GNB1: variants seen among roughly 807,000 people sequenced by gnomAD.
GNB1 encodes the protein G protein subunit beta 1.
In GNB1, 2 loss-of-function variants were observed where a neutral mutation model predicts 42.9. The observed-to-expected ratio is 0.05, with a 90% CI of 0.02 to 0.15. The LOEUF is 0.15. Ranked by LOEUF, GNB1 falls within the 10% of genes least tolerant of loss-of-function variation. The pLI is 1.00. For missense variants in GNB1, 193 were observed against 462.2 expected, an observed-to-expected ratio of 0.42 and a Z score of 5.34; for synonymous variants, 183 against 174.7, an observed-to-expected ratio of 1.05 and a Z score of -0.38.
chr1:1,863,671 G>C (rs147332586), intron 1 of GNB1, among the ~76,000 whole-genome samples: 218 of 152,310 alleles, frequency 1.4e-3, no homozygotes, highest in Non-Finnish European at 2.8e-3. Context: ...CTCATTTTGA[G>C]ATCTTCTCCT....
chr1:1,845,872 CGT>C (rs1307264340), intron 1 of GNB1, among the ~76,000 whole-genome samples: 1 of 138,138 alleles, frequency 7.2e-6, no homozygotes, highest in Admixed American at 7.3e-5. Context: ...CACACACACA[CGT>C]ATATCTCCTA....
intron 1 of GNB1, among the ~76,000 whole-genome samples, chr1:1,855,019 C>T (rs1417554311): frequency 1.3e-5 from 2 of 152,046 alleles, no homozygotes; most frequent in African/African-American, 2.4e-5. Flanking sequence ...ATTAGCCAGG[C>T]GCAGTGGCAG....
chr1:1,828,361 G>A (rs1307075331), intron 2 of GNB1, among the ~76,000 whole-genome samples: 1 of 152,028 alleles, frequency 6.6e-6, no homozygotes, highest in East Asian at 1.9e-4. Flanking sequence ...GAGGGTGGTG[G>A]GTGGGTGTGT....
chr1:1,845,572 CA>C (rs919629027), intron 1 of GNB1, among the ~76,000 whole-genome samples: 4 of 150,278 alleles, frequency 2.7e-5, no homozygotes, highest in African/African-American at 7.3e-5. Flanking sequence ...GACTCCGTCT[CA>C]AAAAAAATAA....
At chr1:1,848,687 C>T (rs193218242) in intron 1 of GNB1, among the ~76,000 whole-genome samples, 6 of 152,256 alleles carry the variant, frequency 3.9e-5, no homozygotes, top group Admixed American at 3.3e-4. Context: ...TGACTGCTAT[C>T]GGTAAGGCTT....
chr1:1,835,545 C>T (rs1428532376), intron 2 of GNB1, among the ~76,000 whole-genome samples: 1 of 152,224 alleles, frequency 6.6e-6, no homozygotes, highest in East Asian at 1.9e-4. Context: ...CCTGCCTCAC[C>T]TGCCACACTT....
At chr1:1,816,746 C>T (rs1421600799) in intron 4 of GNB1, among the ~76,000 whole-genome samples, 2 of 150,022 alleles carry the variant, frequency 1.3e-5, no homozygotes, top group Non-Finnish European at 1.5e-5. Context: ...CCTCCCGGGT[C>T]CAAGCAATTC....
At chr1:1,797,156 T>C (rs996404317) in intron 7 of GNB1, among the ~76,000 whole-genome samples, 1 of 152,152 alleles carries the variant, frequency 6.6e-6, no homozygotes, top group Non-Finnish European at 1.5e-5. Flanking sequence ...AACGGGACGA[T>C]GGGCTTGAGA....
chr1:1,825,459 G>C lies in GNB1; in HGVS notation c.-6C>G. 6.2e-7 allele frequency: 1 copy of C among 1,606,372 alleles called. No individual in the cohort carries two copies. On this transcript the variant is annotated 5_prime_UTR_variant, in exon 3 of 12. The change creates a new upstream start codon in the 5' untranslated region. Coordinates refer to ENST00000378609, the MANE Select transcript of GNB1 (RefSeq NM_002074.5). ...AACTGGTCAAGCTCACTCATCTTCC[G>C]ATCTTAGTGCTCTTCAATGCCACCT... is the stretch of plus-strand genomic sequence containing the variant.
intron 1 of GNB1, among the ~76,000 whole-genome samples, chr1:1,845,731 A>T (rs1457804200): frequency 6.6e-6 from 1 of 152,062 alleles, no homozygotes; most frequent in Non-Finnish European, 1.5e-5. Context: ...TCTGAAAGCA[A>T]GGAATGGCCC....
intron 1 of GNB1, among the ~76,000 whole-genome samples, chr1:1,886,834 T>G (rs1287179578): frequency 6.6e-6 from 1 of 152,118 alleles, no homozygotes; most frequent in African/African-American, 2.4e-5. Context: ...GCCTCCTGAG[T>G]AGCTGGGATT....
At chr1:1,819,981 G>A (rs544768055) in intron 3 of GNB1, among the ~76,000 whole-genome samples, 19 of 152,302 alleles carry the variant, frequency 1.2e-4, no homozygotes, top group Admixed American at 5.2e-4. Context: ...AGTTCCCAGC[G>A]GTTCAGGCTT....
chr1:1,842,580 A>G (rs1647287878), intron 1 of GNB1, among the ~76,000 whole-genome samples: 1 of 152,190 alleles, frequency 6.6e-6, no homozygotes, highest in Non-Finnish European at 1.5e-5. Context: ...CACAAATCCA[A>G]AGAGACAGAA....
chr1:1,882,920 C>CAA (rs571867262), intron 1 of GNB1, among the ~76,000 whole-genome samples: 2 of 114,932 alleles, frequency 1.7e-5, no homozygotes, highest in Non-Finnish European at 3.7e-5. Context: ...GACTCCGTCT[C>CAA]AAAAAAAAAA....
At chr1:1,870,869 T>C (rs1371373614) in intron 1 of GNB1, among the ~76,000 whole-genome samples, 1 of 150,716 alleles carries the variant, frequency 6.6e-6, no homozygotes, top group Non-Finnish European at 1.5e-5. Context: ...ACCTGGGAGG[T>C]GGAGTGAGCC....
intron 5 of GNB1, among the ~76,000 whole-genome samples, chr1:1,811,880 A>G (rs1646784342): frequency 1.3e-5 from 2 of 151,576 alleles, no homozygotes; most frequent in Admixed American, 1.3e-4. Context: ...CCTGGCTAAC[A>G]TGGTGAAACC....
chr1:1,809,930 T>A (rs1646751972), intron 5 of GNB1, among the ~76,000 whole-genome samples: 1 of 152,060 alleles, frequency 6.6e-6, no homozygotes, highest in African/African-American at 2.4e-5. Flanking sequence ...AAACACCTAA[T>A]GCCCTTCATT....
At chr1:1,825,298 C>T (rs1570674632) in intron 3 of GNB1, 99 bp downstream of exon 3, 3 of 833,008 alleles carry the variant, frequency 3.6e-6, no homozygotes, top group Non-Finnish European at 6.3e-6. Flanking sequence ...TCATATAAAA[C>T]ATAGAACAAG....
At chr1:1,793,432 C>T (rs757614588) in intron 7 of GNB1, 121 bp from the exon 8 acceptor site, 2 of 631,214 alleles carry the variant, frequency 3.2e-6, no homozygotes, top group Middle Eastern at 4.1e-4. Context: ...CAGCACCATG[C>T]TAGTGACCTT....
Sources: gnomAD v4.1 joint callset for allele counts (sites outside exome capture counted in the v4.1 genomes callset) on GRCh38, gnomAD v4.1.1 for gene constraint, MANE v1.5 for transcripts, NCBI Gene and HGNC (gene_info 2026-07-23, HGNC 2026-07-21) for gene names.